The following PRAME variants were observed in gnomAD, a reference collection of about 807,000 sequenced individuals.
PRAME encodes PRAME nuclear receptor transcriptional regulator.
Under a neutral mutation model 32.1 loss-of-function variants are expected in PRAME, and 21 were observed. That is an observed-to-expected ratio of 0.65 (90% CI 0.46 to 0.94). The LOEUF is 0.94. Among genes scored for constraint, PRAME ranks in the 40% least tolerant of loss-of-function variants. PRAME has a pLI of 0.00. For missense variants in PRAME, 651 were observed against 622.3 expected (o/e 1.05, Z -0.49); for synonymous variants, 274 against 251.5 (o/e 1.09, Z -0.85).
chr22:22,549,508 C>T (rs1467586378), intron 5 of PRAME, among the ~76,000 whole-genome samples: 2 of 151,894 alleles, frequency 1.3e-5, no homozygotes, highest in Non-Finnish European at 2.9e-5. Context: ...CAAGGAGTCA[C>T]TGTTAATAGC....
At position 22,549,842 on chromosome 22, in the gene PRAME, C is replaced by T; in HGVS notation, c.837G>A (p.Glu279=). Residue 279 remains glutamate (E), a synonymous_variant, in exon 5 of 6, where the codon GAG becomes GAA. Transcript: ENST00000405655. The part of the protein sequence containing the change: ...HIHASSYISP[E]KEEQYIAQFT... The stretch of plus-strand genomic sequence containing the variant: ...ACTGGGCGATATACTGCTCTTCCTT[C>T]TCCGGGGAAATGTAGGAAGATGCAT... 2 of 1,613,788 alleles carry T rather than the reference C, an allele frequency of 1.2e-6. No individual in the cohort carries two copies. Among genetic ancestry groups the T allele is most frequent in the Non-Finnish European group, 1.7e-6 (2 of 1,179,960 alleles).
At chr22:22,548,753 GC>G in intron 5 of PRAME, 110 bp from the exon 6 acceptor site, 2 of 972,478 alleles carry the variant, frequency 2.1e-6, no homozygotes, top group Non-Finnish European at 3.0e-6. Flanking sequence ...ATGGTTAACC[GC>G]CAGGATGCCA....
intron 1 of PRAME, 159 bp from the exon 2 acceptor site, chr22:22,557,739 C>T (rs1467900202): frequency 2.2e-5 from 2 of 90,156 alleles, no homozygotes; most frequent in East Asian, 6.6e-4. Flanking sequence ...CCAGTGAGGT[C>T]GCCCAGAGAG....
At position 22,549,716 on chromosome 22, in the gene PRAME, C is replaced by A; in HGVS notation, c.953+10G>T. The A allele has an allele frequency of 6.3e-7, 1 of 1,576,132 alleles. No individual in the cohort carries two copies. ...GCTCTGGTCTGCAGAGAAATCTCACCATCCCTCACCTGAGCAACTGATCCA... is the reference window on the plus strand; with the variant it reads ...GCTCTGGTCTGCAGAGAAATCTCACAATCCCTCACCTGAGCAACTGATCCA... On this transcript the variant is annotated intron_variant, in intron 5 of 5. Transcript: ENST00000405655.
At position 22,549,768 on chromosome 22, in the gene PRAME, T is replaced by C. The variant is rs745460710; in HGVS notation, c.911A>G (p.Asp304Gly). 99 of 1,611,774 alleles carry C rather than the reference T, an allele frequency of 6.1e-5. 1 individual carries two copies. The highest frequency in any genetic ancestry group is 2.5e-6 in the Non-Finnish European group (3 of 1,179,466). ...SLQCLQALYV[D>G]SLFFLRGRLD... ...GCGGCCTCTAAGGAAAAATAAAGAG[T>C]CCACATAGAGAGCCTGCAGGCACTG... The change falls in exon 5 of 6, where the codon GAC (aspartate) becomes GGC (glycine). Residue 304 changes from aspartate to glycine, a missense_variant. Transcript: ENST00000405655.
chr22:22,556,580 G>A (rs1376521042), intron 3 of PRAME, among the ~76,000 whole-genome samples: 1 of 151,932 alleles, frequency 6.6e-6, no homozygotes, highest in East Asian at 2.0e-4. Context: ...CAAAGTGCTG[G>A]GATTACAGGC....
In PRAME at chr22:22,556,755, G is replaced by A. The variant is rs547803019; in HGVS notation, c.21+57C>T. 1.9e-6 allele frequency: 3 copies of A among 1,605,680 alleles called. No individual in the cohort carries two copies. In the South Asian group the frequency reaches 3.3e-5, roughly 18 times the overall value. On this transcript the variant is annotated intron_variant, in intron 3 of 5. Coordinates refer to ENST00000405655, the MANE Select transcript of PRAME (RefSeq NM_206956.3). ...GCTCCCATCTGGCTCGAGTGACAAG[G>A]ACAGAGGGGAACAGGGCTTCTCTGA... is the stretch of plus-strand genomic sequence containing the variant.
rs2062537476 is a variant in PRAME at position 22,551,066 on chromosome 22, G to A, written c.45C>T (p.Ile15=). 2.5e-6 allele frequency: 4 copies of A among 1,591,290 alleles called. No individual in the cohort carries two copies. Among genetic ancestry groups the A allele is most frequent in the Non-Finnish European group, 3.4e-6 (4 of 1,165,400 alleles). The change falls in exon 4 of 6, where the codon ATC becomes ATT. Residue 15 remains isoleucine, a synonymous_variant. Transcript: ENST00000405655. ...GTGGGCTTGTCCACACACTCATGCTGATGTATCGGCTCTGAATGGAACCCT... is the reference window on the plus strand; with the variant it reads ...GTGGGCTTGTCCACACACTCATGCTAATGTATCGGCTCTGAATGGAACCCT... ...RLWGSIQSRY[I]SMSVWTSPRR... is the part of the protein sequence containing the mutation.
chr22:22,552,984 C>T (rs1242496075), intron 3 of PRAME: 1 of 468,712 alleles, frequency 2.1e-6, no homozygotes, highest in Non-Finnish European at 4.4e-6. Flanking sequence ...TAATTACATT[C>T]CTGGATCTCC....
At chr22:22,549,678 T>C in intron 5 of PRAME, 48 bp downstream of exon 5, 3 of 1,532,772 alleles carry the variant, frequency 2.0e-6, no homozygotes, top group East Asian at 2.3e-5. Flanking sequence ...TTTACTGCAA[T>C]AAGGAAGGGC....
chr22:22,555,862 G>C (rs777264295), intron 3 of PRAME: 85 of 470,804 alleles, frequency 1.8e-4, no homozygotes, highest in Non-Finnish European at 3.4e-4. Context: ...CCATGGGGCA[G>C]TGAGATCAAA....
Position 22,550,070 on chromosome 22 carries a change from T to C in PRAME, c.609A>G (p.Lys203=), listed in dbSNP as rs772418553. Reference sequence around the variant, plus strand: ...TCTTACAGCACAGGCGTAGTACATTTTTCTTTCGCTTCACTTTCTCAATGA... The same window carrying C: ...TCTTACAGCACAGGCGTAGTACATTCTTCTTTCGCTTCACTTTCTCAATGA... ...SYLIEKVKRK[K]NVLRLCCKKL... The change falls in exon 5 of 6, where the codon AAA becomes AAG. Residue 203 remains lysine, a synonymous_variant. Coordinates refer to ENST00000405655, the MANE Select transcript of PRAME (RefSeq NM_206956.3). The C allele has an allele frequency of 1.7e-5, 27 of 1,613,794 alleles. No individual in the cohort carries two copies. The highest frequency in any genetic ancestry group is 1.6e-4 in the Middle Eastern group (1 of 6,076).
At chr22:22,554,296 T>TG in intron 3 of PRAME, 9 of 971,436 alleles carry the variant, frequency 9.3e-6, no homozygotes, top group Non-Finnish European at 1.1e-5. Flanking sequence ...TGGAATGTCT[T>TG]GCGGCCTGAC....
chr22:22,554,043 A>C lies in PRAME; in HGVS notation c.21+2769T>G, dbSNP rs902168292. On this transcript the variant is annotated intron_variant, in intron 3 of 5. Coordinates refer to ENST00000405655, the MANE Select transcript of PRAME (RefSeq NM_206956.3). The stretch of plus-strand genomic sequence containing the variant: ...AGATGCAATCAGGCCTATCAATTAG[A>C]CTCAGTTTTTCTCTATTTCCATGCT... 26 of 984,964 alleles carry C rather than the reference A, an allele frequency of 2.6e-5. 1 individual carries two copies. The South Asian group carries it at 4.2e-4, about 16-fold the overall frequency. 61.0% of individuals were successfully genotyped at this position (984,964 alleles called of 1,614,324 possible).
intron 3 of PRAME, 63 bp downstream of exon 3, chr22:22,556,749 G>T: frequency 6.3e-7 from 1 of 1,598,020 alleles, no homozygotes; most frequent in African/African-American, 1.3e-5. Flanking sequence ...TGGCTCGAGT[G>T]ACAAGGACAG....
Position 22,559,260 on chromosome 22 carries a change from A to G in PRAME, c.-403T>C. On this transcript the variant is annotated 5_prime_UTR_variant, in exon 1 of 6. Transcript: ENST00000405655. ...CAGGCCCGGCTTCTGGCTGCGGGGG[A>G]GCTGTACCCTGAAGCCTCGCCGGAA... The G allele has an allele frequency of 3.1e-6, 1 of 318,986 alleles. No homozygotes were observed. The allele number at this position is 318,986 out of a possible 1,614,324, so 19.8% of individuals were successfully genotyped here.
chr22:22,548,386 T>C lies in PRAME; in HGVS notation c.1211A>G (p.His404Arg), dbSNP rs1280925564. Residue 404 changes from histidine (H) to arginine (R), a missense_variant, in exon 6 of 6, where the codon CAC (histidine) becomes CGC (arginine). Transcript: ENST00000405655. ...QLLALLPSLS[H>R]CSQLTTLSFY... ...GCTTAAGGTCGTAAGCTGGGAGCAG[T>C]GGCTCAGGGAAGGCAGGAGGGCAAG... 6.2e-7 allele frequency: 1 copy of C among 1,613,476 alleles called. No individual in the cohort carries two copies. The highest frequency in any genetic ancestry group is 2.2e-5 in the East Asian group (1 of 44,788).
rs1323267579 is a variant in PRAME, at chr22:22,550,880, G to A, written c.231C>T (p.Pro77=). 5 of 1,613,728 alleles carry A rather than the reference G, an allele frequency of 3.1e-6. No homozygotes were observed. The highest frequency in any genetic ancestry group is 2.7e-5 in the African/African-American group (2 of 74,882). Reference sequence around the variant, plus strand: ...GCACTCCCAGAGGGAGGCAGGTGAAGGGCCAGGCCTGCACCATTGCCTTCA... The same window carrying A: ...GCACTCCCAGAGGGAGGCAGGTGAAAGGCCAGGCCTGCACCATTGCCTTCA... The part of the protein sequence containing the change: ...QTLKAMVQAW[P]FTCLPLGVLM... Residue 77 remains proline, a synonymous_variant, in exon 4 of 6, where the codon CCC becomes CCT. Transcript: ENST00000405655.
At chr22:22,551,250 G>T (rs377505921) in intron 3 of PRAME, among the ~76,000 whole-genome samples, 161 bp from the exon 4 acceptor site, 2 of 151,906 alleles carry the variant, frequency 1.3e-5, no homozygotes, top group Non-Finnish European at 2.9e-5. Flanking sequence ...GCACTCGGTG[G>T]CCACAAAGCC....
Sources: gnomAD v4.1 joint callset for allele counts (sites outside exome capture counted in the v4.1 genomes callset) on GRCh38, gnomAD v4.1.1 for gene constraint, MANE v1.5 for transcripts, NCBI Gene and HGNC (gene_info 2026-07-23, HGNC 2026-07-21) for gene names.